The following VPS13D variants were observed in gnomAD, a reference collection of about 807,000 sequenced individuals.
VPS13D encodes the protein vacuolar protein sorting 13 homolog D, also known as intermembrane lipid transfer protein VPS13D.
Under a neutral mutation model 461.9 loss-of-function variants are expected in VPS13D, and 187 were observed. That is an observed-to-expected ratio of 0.40 (90% confidence interval 0.36 to 0.46). The LOEUF (loss-of-function observed/expected upper bound fraction) is 0.46, where lower values mean the gene tolerates loss of function less well. VPS13D is among the 20% of genes least tolerant of loss of function. VPS13D has a pLI of 0.60. For synonymous variants in VPS13D, 1,951 were observed against 1,986.3 expected (o/e 0.98, Z 0.47); for missense variants, 4,711 against 5,364.9 (o/e 0.88, Z 3.81).
chr1:12,400,207 G>A lies in VPS13D; in HGVS notation c.11661G>A (p.Thr3887=), dbSNP rs757682778. 1.2e-5 allele frequency: 20 copies of A among 1,613,894 alleles called. No individual in the cohort carries two copies. Among genetic ancestry groups the A allele is most frequent in the South Asian group, 4.4e-5 (4 of 91,084 alleles). Residue 3887 remains threonine, a synonymous_variant, in exon 61 of 70, where the codon ACG becomes ACA. Transcript: ENST00000620676. ...TGGACAATCAGCTCATTGGTACCACGCAGCCCTTCATGCTCTATGTGACTC... is the reference window on the plus strand; with the variant it reads ...TGGACAATCAGCTCATTGGTACCACACAGCCCTTCATGCTCTATGTGACTC... ...VQVDNQLIGT[T]QPFMLYVTPL...
chr1:12,264,872 G>A (rs757522992), intron 13 of VPS13D, among the ~76,000 whole-genome samples: 1 of 152,198 alleles, frequency 6.6e-6, no homozygotes, highest in African/African-American at 2.4e-5. Context: ...TTCATAGCTA[G>A]AGAGGAGAAG....
chr1:12,307,099 AT>A (rs1186082086), intron 26 of VPS13D, among the ~76,000 whole-genome samples: 1 of 152,224 alleles, frequency 6.6e-6, no homozygotes, highest in Non-Finnish European at 1.5e-5. Context: ...TAAGTAACTA[AT>A]AAAAAACTAA....
intron 66 of VPS13D, among the ~76,000 whole-genome samples, chr1:12,459,468 C>T (rs987731660): frequency 6.7e-6 from 1 of 148,864 alleles, no homozygotes; most frequent in Non-Finnish European, 1.5e-5. Flanking sequence ...CCTTAGATAT[C>T]TTTCTTTTCT....
At chr1:12,296,234 A>G (rs1351801129) in intron 24 of VPS13D, among the ~76,000 whole-genome samples, 5 of 152,334 alleles carry the variant, frequency 3.3e-5, no homozygotes, top group African/African-American at 1.2e-4. Flanking sequence ...TTCACTAGAT[A>G]AAGCCAGATC....
chr1:12,242,503 T>C lies in VPS13D; in HGVS notation c.98-10T>C, dbSNP rs1265107016. The C allele has an allele frequency of 6.2e-7, 1 of 1,612,510 alleles. No homozygotes were observed. The highest frequency in any genetic ancestry group is 1.3e-5 in the African/African-American group (1 of 74,900). ...AAATGGATATTTCATGATGCTGTTT[T>C]TATTTTTAGGTGCTGTTGAATTAGA... is the stretch of plus-strand genomic sequence containing the variant. On this transcript the variant is annotated splice_polypyrimidine_tract_variant and intron_variant, in intron 2 of 69. Transcript: ENST00000620676.
At chr1:12,308,180 C>T (rs996803465) in intron 26 of VPS13D, among the ~76,000 whole-genome samples, 5 of 152,038 alleles carry the variant, frequency 3.3e-5, no homozygotes, top group Non-Finnish European at 7.4e-5. Context: ...AGAACTGTGA[C>T]GCGGTCTGTG....
intron 66 of VPS13D, 152 bp downstream of exon 66, chr1:12,456,282 T>C: frequency 1.7e-6 from 2 of 1,156,824 alleles, no homozygotes; most frequent in Non-Finnish European, 1.2e-6. Flanking sequence ...GGAGAGTGGA[T>C]CATGAGGTCA....
Position 12,279,757 on chromosome 1 carries a change from GAT to G in VPS13D, c.4602+112_4602+113del, listed in dbSNP as rs1442939287. 9.9e-7 allele frequency: 1 copy of G among 1,005,892 alleles called. No homozygotes were observed. Among genetic ancestry groups the G allele is most frequent in the Non-Finnish European group, 1.3e-6 (1 of 741,472 alleles). The allele number at this position is 1,005,892 out of a possible 1,614,324, so 62.3% of individuals were successfully genotyped here. ...GTTGGAAGGAATATATATTTTCAAA[GAT>G]ATATCACCCATGCATAATACCATTG... is the stretch of plus-strand genomic sequence containing the variant. On this transcript the variant is annotated intron_variant, in intron 20 of 69. Coordinates refer to ENST00000620676, the MANE Select transcript of VPS13D (RefSeq NM_015378.4). This position sits in a 1 kb window ranked among gnomAD's most constrained non-coding sequence, Gnocchi z 4.3.
rs1644799021 is a variant in VPS13D, at chr1:12,416,735, G to A, written c.12241G>A (p.Val4081Ile). ...CAATCCTATGGGGCTTTTGAATGAT[G>A]TTTCTGAAGGGGTTACTGGACTGAT... ...LGNPMGLLND[V>I]SEGVTGLIKY... The change falls in exon 65 of 70, where the codon GTT (valine) becomes ATT (isoleucine). Residue 4081 changes from valine (V) to isoleucine (I), a missense_variant. Val to Ile is a conservative substitution (Grantham distance 29). Coordinates refer to ENST00000620676, the MANE Select transcript of VPS13D (RefSeq NM_015378.4). The A allele has an allele frequency of 6.2e-7, 1 of 1,613,978 alleles. No individual in the cohort carries two copies. Among genetic ancestry groups the A allele is most frequent in the African/African-American group, 1.3e-5 (1 of 74,884 alleles).
At chr1:12,310,683 C>T (rs1021006507) in intron 27 of VPS13D, among the ~76,000 whole-genome samples, 1 of 152,154 alleles carries the variant, frequency 6.6e-6, no homozygotes, top group Admixed American at 6.5e-5. Context: ...AATATTTAAG[C>T]TCTTTGTGAG....
At position 12,238,912 on chromosome 1, in the gene VPS13D, C is replaced by T. The variant is rs140491873; in HGVS notation, c.98-3601C>T. Among the ~76,000 whole-genome samples the T allele has an allele frequency of 6.1e-3, 935 of 152,128 alleles. 8 individuals carry two copies. Among genetic ancestry groups the T allele is most frequent in the African/African-American group, 0.021 (856 of 41,500 alleles). On this transcript the variant is annotated intron_variant, in intron 2 of 69. Transcript: ENST00000620676. The stretch of plus-strand genomic sequence containing the variant: ...CCTCCTAAAGTGCTGGGATTATGGG[C>T]ATGAGCCACCATGCCCGTCTTGTTA...
At chr1:12,330,389 T>G (rs981203155) in intron 37 of VPS13D, among the ~76,000 whole-genome samples, 2 of 152,058 alleles carry the variant, frequency 1.3e-5, no homozygotes, top group Non-Finnish European at 2.9e-5. Flanking sequence ...CACTCCAGCC[T>G]GCATGACAGA....
chr1:12,450,956 A>G (rs1236801583), intron 65 of VPS13D, among the ~76,000 whole-genome samples: 6 of 152,226 alleles, frequency 3.9e-5, no homozygotes, highest in African/African-American at 1.4e-4. Context: ...CAAAGATATT[A>G]AAGAGGAAAT....
chr1:12,303,018 C>T (rs542540524), intron 25 of VPS13D, among the ~76,000 whole-genome samples: 1 of 152,120 alleles, frequency 6.6e-6, no homozygotes, highest in Admixed American at 6.5e-5. Context: ...TGAAGTTCAC[C>T]TCCCCATGCA....
chr1:12,252,204 G>A (rs1027497278), intron 6 of VPS13D, among the ~76,000 whole-genome samples: 1 of 152,086 alleles, frequency 6.6e-6, no homozygotes, highest in African/African-American at 2.4e-5. Flanking sequence ...ACACGCTTCT[G>A]TGTGGTTATG....
intron 67 of VPS13D, among the ~76,000 whole-genome samples, chr1:12,461,498 A>G (rs1193347983): frequency 6.6e-6 from 1 of 152,206 alleles, no homozygotes; most frequent in Non-Finnish European, 1.5e-5. Context: ...GTTACATTCT[A>G]TTCTCAGATA....
At chr1:12,243,027 A>G (rs1049531422) in intron 3 of VPS13D, among the ~76,000 whole-genome samples, 1 of 147,922 alleles carries the variant, frequency 6.8e-6, no homozygotes, top group African/African-American at 2.5e-5. Flanking sequence ...ATCTCGGCTC[A>G]CTGCAACCTC....
Position 12,356,471 on chromosome 1 carries a change from C to T in VPS13D, c.9945C>T (p.Ala3315=), listed in dbSNP as rs780584660. 1 of 1,614,058 alleles carries T rather than the reference C, an allele frequency of 6.2e-7. No homozygotes were observed. Among genetic ancestry groups the T allele is most frequent in the African/African-American group, 1.3e-5 (1 of 75,040 alleles). The change falls in exon 49 of 70, where the codon GCC becomes GCT. Residue 3315 remains alanine, a synonymous_variant. Transcript: ENST00000620676. The part of the protein sequence containing the change: ...AAGQFEEHEL[A]RSLSPLLFCY... Reference sequence around the variant, plus strand: ...GCCAGTTTGAGGAGCATGAGCTGGCCCGTAGCCTGAGTCCTCTCTTATTCT... The same window carrying T: ...GCCAGTTTGAGGAGCATGAGCTGGCTCGTAGCCTGAGTCCTCTCTTATTCT...
rs563347205 is a variant in VPS13D, at chr1:12,252,137, T to C, written c.565-1585T>C. Among the ~76,000 whole-genome samples, 84 of 152,278 alleles carry C rather than the reference T, an allele frequency of 5.5e-4. 1 individual carries two copies. In the South Asian group the frequency reaches 0.016, roughly 28 times the overall value. On this transcript the variant is annotated intron_variant, in intron 6 of 69. Transcript: ENST00000620676. The stretch of plus-strand genomic sequence containing the variant: ...TAGATTAGGGCCTCCACTAAACCAG[T>C]ATGACCTCTTAATTTGATTACATCT...
Sources: gnomAD v4.1 joint callset for allele counts (sites outside exome capture counted in the v4.1 genomes callset) on GRCh38, gnomAD v4.1.1 for gene constraint, Gnocchi (gnomAD v3.1) non-coding constraint, MANE v1.5 for transcripts, NCBI Gene and HGNC (gene_info 2026-07-23, HGNC 2026-07-21) for gene names.